The following FAM135B variants were observed in gnomAD, a reference collection of about 807,000 sequenced individuals.
The protein encoded by FAM135B is protein FAM135B.
Under a neutral mutation model 127.7 loss-of-function variants are expected in FAM135B, and 43 were observed. That is an observed-to-expected ratio of 0.34 (90% CI 0.26 to 0.43). The LOEUF is 0.43. Among genes scored for constraint, FAM135B ranks in the 20% least tolerant of loss-of-function variants. The pLI is 1.00. For synonymous variants in FAM135B, 670 were observed against 665.1 expected, an observed-to-expected ratio of 1.01 and a Z score of -0.11; for missense variants, 1,558 against 1,725.6, an observed-to-expected ratio of 0.90 and a Z score of 1.72.
chr8:138,333,933 A>AG (rs1169901972), intron 2 of FAM135B, among the ~76,000 whole-genome samples: 1 of 151,898 alleles, frequency 6.6e-6, no homozygotes, highest in African/African-American at 2.4e-5. Context: ...ATTTGAGGGG[A>AG]GGGGGGAACG....
chr8:138,403,623 A>AT (rs1833279368), intron 1 of FAM135B, among the ~76,000 whole-genome samples: 1 of 152,194 alleles, frequency 6.6e-6, no homozygotes, highest in Non-Finnish European at 1.5e-5. Flanking sequence ...TTGACAAGGC[A>AT]TCCCAATACC....
At position 138,446,634 on chromosome 8, in the gene FAM135B, C is replaced by A. The variant is rs533648715; in HGVS notation, c.-20+50037G>T. 3.3e-5 allele frequency among the ~76,000 whole-genome samples: 5 copies of A among 152,078 alleles called. 1 individual carries two copies. The highest frequency in any genetic ancestry group is 5.9e-5 in the Non-Finnish European group (4 of 68,014). Reference sequence around the variant, plus strand: ...AAGCTGAAACTGGATCCCTTCCTTACACCTTATACAAAAATTAATTCAAGA... The same window carrying A: ...AAGCTGAAACTGGATCCCTTCCTTAAACCTTATACAAAAATTAATTCAAGA... On this transcript the variant is annotated intron_variant, in intron 1 of 19. Coordinates refer to ENST00000395297, the MANE Select transcript of FAM135B (RefSeq NM_015912.4).
At chr8:138,397,744 C>T (rs1408893457) in intron 1 of FAM135B, among the ~76,000 whole-genome samples, 1 of 152,168 alleles carries the variant, frequency 6.6e-6, no homozygotes, top group Admixed American at 6.5e-5. Context: ...GACAGAGCTC[C>T]AGGAGTTTGA....
intron 6 of FAM135B, among the ~76,000 whole-genome samples, chr8:138,244,150 G>A (rs1252116488): frequency 6.6e-6 from 1 of 152,144 alleles, no homozygotes; most frequent in African/African-American, 2.4e-5. Context: ...ATGCCAGGCA[G>A]TGGGTTAGGT....
intron 2 of FAM135B, among the ~76,000 whole-genome samples, chr8:138,311,721 T>C (rs563756243): frequency 2.0e-5 from 3 of 152,314 alleles, no homozygotes; most frequent in African/African-American, 7.2e-5. Context: ...ATTGAGCTCA[T>C]AGCTGGGCGA....
chr8:138,294,934 A>G (rs986953431), intron 3 of FAM135B, among the ~76,000 whole-genome samples: 2 of 152,068 alleles, frequency 1.3e-5, no homozygotes, highest in Non-Finnish European at 2.9e-5. Flanking sequence ...ACTCTGCTGT[A>G]TTTCCCATAT....
chr8:138,232,986 T>C (rs1174674558), intron 7 of FAM135B, among the ~76,000 whole-genome samples: 2 of 152,196 alleles, frequency 1.3e-5, no homozygotes, highest in Non-Finnish European at 1.5e-5. Context: ...ATACTATCTT[T>C]TTCTATGAGC....
chr8:138,308,990 C>T (rs897369852), intron 3 of FAM135B: 1 of 454,650 alleles, frequency 2.2e-6, no homozygotes, highest in Non-Finnish European at 4.4e-6. Flanking sequence ...TGGCTACTTA[C>T]CTTGTGCTGG....
At chr8:138,490,100 G>C (rs1346333508) in intron 1 of FAM135B, among the ~76,000 whole-genome samples, 1 of 152,088 alleles carries the variant, frequency 6.6e-6, no homozygotes, top group African/African-American at 2.4e-5. Context: ...GGCATAATAG[G>C]CACTTTGGAA....
intron 1 of FAM135B, among the ~76,000 whole-genome samples, chr8:138,428,758 G>A (rs1276199196): frequency 6.6e-6 from 1 of 152,106 alleles, no homozygotes; most frequent in Non-Finnish European, 1.5e-5. Flanking sequence ...GGGCTAATGA[G>A]GTCCCACTTT....
chr8:138,428,619 A>C (rs1835027295), intron 1 of FAM135B, among the ~76,000 whole-genome samples: 1 of 152,242 alleles, frequency 6.6e-6, no homozygotes, highest in East Asian at 1.9e-4. Flanking sequence ...TAATGTTGGC[A>C]GGAAGCAAAC....
chr8:138,190,606 T>C (rs978532853), intron 9 of FAM135B, among the ~76,000 whole-genome samples: 4 of 152,256 alleles, frequency 2.6e-5, no homozygotes, highest in Non-Finnish European at 4.4e-5. Context: ...CTTCCCTTTA[T>C]GTTTTTGTTG....
rs569166224 is a variant in FAM135B, at chr8:138,446,577, C to T, written c.-20+50094G>A. The stretch of plus-strand genomic sequence containing the variant: ...GGAAAGGATTCCCTATTTAATAAAT[C>T]GTTCAGGGAAAACTGGCTAGCCATA... On this transcript the variant is annotated intron_variant, in intron 1 of 19. Transcript: ENST00000395297. 7.2e-5 allele frequency among the ~76,000 whole-genome samples: 11 copies of T among 152,184 alleles called. No individual in the cohort carries two copies. The East Asian group carries it at 1.5e-3, about 21-fold the overall frequency.
At chr8:138,263,386 C>T (rs1822687589) in intron 4 of FAM135B, among the ~76,000 whole-genome samples, 2 of 152,072 alleles carry the variant, frequency 1.3e-5, no homozygotes, top group African/African-American at 4.8e-5. Flanking sequence ...CTTGCAGAAG[C>T]TCTCATAGGC....
intron 7 of FAM135B, among the ~76,000 whole-genome samples, chr8:138,206,376 T>C (rs1386354660): frequency 1.3e-5 from 2 of 150,402 alleles, no homozygotes; most frequent in African/African-American, 2.4e-5. Flanking sequence ...TACCCACAAC[T>C]CTATCATCCC....
At chr8:138,341,697 G>A (rs1397413015) in intron 2 of FAM135B, among the ~76,000 whole-genome samples, 4 of 152,148 alleles carry the variant, frequency 2.6e-5, no homozygotes, top group African/African-American at 9.7e-5. Context: ...TCTCTCTACT[G>A]TAAGCCTCTC....
At chr8:138,327,569 A>G (rs1177745390) in intron 2 of FAM135B, among the ~76,000 whole-genome samples, 6 of 152,242 alleles carry the variant, frequency 3.9e-5, no homozygotes, top group African/African-American at 1.4e-4. Flanking sequence ...TGATGGAAAA[A>G]GCCATTGCAA....
At chr8:138,439,343 C>G (rs1180102634) in intron 1 of FAM135B, 1 of 152,078 alleles carries the variant, frequency 6.6e-6, no homozygotes, top group Non-Finnish European at 1.5e-5. Flanking sequence ...AGCAGCTAAT[C>G]ACATATGTCA....
chr8:138,239,965 C>A (rs553293458), intron 7 of FAM135B, among the ~76,000 whole-genome samples: 1 of 132,650 alleles, frequency 7.5e-6, no homozygotes, highest in East Asian at 2.2e-4. Flanking sequence ...CACTTGGACA[C>A]AGGAAGGGGA....
Sources: allele counts gnomAD v4.1 joint callset (sites outside exome capture counted in the v4.1 genomes callset), GRCh38; gene constraint gnomAD v4.1.1; transcripts MANE v1.5; gene names NCBI Gene and HGNC (gene_info 2026-07-23, HGNC 2026-07-21).